Variants in CCDC191 observed in about 807,000 individuals in gnomAD.
CCDC191 encodes the protein coiled-coil domain containing 191.
CCDC191 carries 99 observed loss-of-function variants against 114.0 expected under a neutral mutation model. The observed-to-expected ratio is 0.87, with a 90% CI of 0.74 to 1.03. The LOEUF is 1.03. Among genes scored for constraint, CCDC191 ranks in the 50% least tolerant of loss-of-function variants. CCDC191 has a pLI of 0.00. For missense variants in CCDC191, 973 were observed against 1,087.0 expected, an observed-to-expected ratio of 0.90 and a Z score of 1.47; for synonymous variants, 351 against 376.0, an observed-to-expected ratio of 0.93 and a Z score of 0.77.
At chr3:114,006,157 C>T in intron 9 of CCDC191, 195 bp from the exon 10 acceptor site, 1 of 668,056 alleles carries the variant, frequency 1.5e-6, no homozygotes, top group South Asian at 1.6e-5. Context: ...ACCATGAAAA[C>T]TGGGAGAGTG....
chr3:114,011,602 T>C (rs1158240922), intron 8 of CCDC191, among the ~76,000 whole-genome samples: 1 of 152,226 alleles, frequency 6.6e-6, no homozygotes, highest in African/African-American at 2.4e-5. Context: ...TTGAACTGAA[T>C]GCATGTCTGC....
intron 16 of CCDC191, among the ~76,000 whole-genome samples, chr3:113,972,121 T>C (rs1940880350): frequency 6.6e-6 from 1 of 151,992 alleles, no homozygotes; most frequent in Admixed American, 6.6e-5. Flanking sequence ...TAATTTGGGG[T>C]TTGGTTTGTT....
At chr3:114,003,450 G>C in intron 11 of CCDC191, 1 of 985,416 alleles carries the variant, frequency 1.0e-6, no homozygotes, top group Non-Finnish European at 1.2e-6. Context: ...GATGGCGAGA[G>C]TGAAATTGTC....
chr3:114,003,502 C>T, intron 11 of CCDC191: 10 of 985,372 alleles, frequency 1.0e-5, no homozygotes, highest in Non-Finnish European at 1.1e-5. Context: ...AAGTAAGAGA[C>T]CCCTAAGAAG....
intron 13 of CCDC191, among the ~76,000 whole-genome samples, chr3:113,993,962 G>T (rs1325679629): frequency 6.6e-6 from 1 of 152,116 alleles, no homozygotes; most frequent in Non-Finnish European, 1.5e-5. Context: ...ACTTTGTGAA[G>T]GAAAAACTGA....
At chr3:114,054,502 T>A (rs1577489526) in intron 1 of CCDC191, among the ~76,000 whole-genome samples, 1 of 151,388 alleles carries the variant, frequency 6.6e-6, no homozygotes, top group East Asian at 1.9e-4. Flanking sequence ...CCAGGCGTGG[T>A]GGCGGGTGCC....
chr3:114,013,812 T>G (rs1335200763), intron 8 of CCDC191, among the ~76,000 whole-genome samples: 5 of 152,118 alleles, frequency 3.3e-5, no homozygotes. Flanking sequence ...CTGGTGCATG[T>G]TTTGGAACTT....
intron 1 of CCDC191, among the ~76,000 whole-genome samples, chr3:114,055,910 A>G (rs1188346013): frequency 6.6e-6 from 1 of 151,960 alleles, no homozygotes; most frequent in Non-Finnish European, 1.5e-5. Flanking sequence ...TGCACTCCTG[A>G]GTTTATTTAG....
intron 3 of CCDC191, among the ~76,000 whole-genome samples, chr3:114,044,886 A>G (rs1486447944): frequency 6.6e-6 from 1 of 152,218 alleles, no homozygotes; most frequent in Non-Finnish European, 1.5e-5. Flanking sequence ...AGATTTTCAA[A>G]GTATGTTCCT....
At chr3:114,051,969 T>A (rs1379747489) in intron 2 of CCDC191, among the ~76,000 whole-genome samples, 3 of 152,220 alleles carry the variant, frequency 2.0e-5, no homozygotes, top group Non-Finnish European at 4.4e-5. Flanking sequence ...TTGAGGACTA[T>A]CAAAAGACTA....
At chr3:114,018,653 A>G (rs1482238511) in intron 8 of CCDC191, 25 bp downstream of exon 8, 1 of 1,575,872 alleles carries the variant, frequency 6.3e-7, no homozygotes, top group Non-Finnish European at 8.7e-7. Flanking sequence ...AACATACTAG[A>G]TTTTCACAAT....
chr3:114,012,255 AAAT>A (rs766836499), intron 8 of CCDC191, among the ~76,000 whole-genome samples: 4 of 152,092 alleles, frequency 2.6e-5, no homozygotes, highest in South Asian at 2.1e-4. Context: ...AAGTTTCACC[AAAT>A]AATATTTACC....
Position 113,972,922 on chromosome 3 carries a change from A to G in CCDC191, c.2606+5264T>C, listed in dbSNP as rs553471646. Among the ~76,000 whole-genome samples the G allele has an allele frequency of 2.0e-5, 3 of 152,022 alleles. No individual in the cohort carries two copies. The East Asian group carries it at 5.8e-4, about 29-fold the overall frequency. ...CTACTTGCTTGGAATGTCTTTTTCT[A>G]TCTCTTTCAGTCTATGTATGTCTTT... is the stretch of plus-strand genomic sequence containing the variant. On this transcript the variant is annotated intron_variant, in intron 16 of 16. Coordinates refer to ENST00000295878, the MANE Select transcript of CCDC191 (RefSeq NM_020817.2).
chr3:114,032,406 C>T (rs1226344511), intron 6 of CCDC191, among the ~76,000 whole-genome samples: 1 of 152,150 alleles, frequency 6.6e-6, no homozygotes, highest in Non-Finnish European at 1.5e-5. Context: ...TCATCCAGGC[C>T]ATCCCTCTTT....
At chr3:113,989,971 A>G (rs1448840657) in intron 13 of CCDC191, among the ~76,000 whole-genome samples, 1 of 152,202 alleles carries the variant, frequency 6.6e-6, no homozygotes, top group Non-Finnish European at 1.5e-5. Context: ...TGGGCAACAG[A>G]ACAAGGCCCT....
At chr3:114,047,931 T>C (rs2076651883) in intron 2 of CCDC191, among the ~76,000 whole-genome samples, 1 of 152,102 alleles carries the variant, frequency 6.6e-6, no homozygotes, top group Non-Finnish European at 1.5e-5. Context: ...GCTGAGATTG[T>C]GCCACTGTAC....
intron 7 of CCDC191, among the ~76,000 whole-genome samples, chr3:114,024,617 G>A (rs192489231): frequency 8.6e-5 from 13 of 151,748 alleles, no homozygotes; most frequent in East Asian, 1.9e-4. Flanking sequence ...ACCAAACACC[G>A]CATGTTCTCA....
chr3:113,972,735 C>T (rs760574575), intron 16 of CCDC191, among the ~76,000 whole-genome samples: 3 of 152,058 alleles, frequency 2.0e-5, no homozygotes, highest in Non-Finnish European at 4.4e-5. Context: ...TACTTGGGTG[C>T]TTGATGTTGA....
At chr3:113,970,661 G>A (rs1940709365) in intron 16 of CCDC191, among the ~76,000 whole-genome samples, 1 of 152,086 alleles carries the variant, frequency 6.6e-6, no homozygotes, top group African/African-American at 2.4e-5. Flanking sequence ...TTGGTGTGCT[G>A]CACCCATTAA....
Sources: gnomAD v4.1 joint callset for allele counts (sites outside exome capture counted in the v4.1 genomes callset) on GRCh38, gnomAD v4.1.1 for gene constraint, MANE v1.5 for transcripts, NCBI Gene and HGNC (gene_info 2026-07-23, HGNC 2026-07-21) for gene names.